The following MME variants were observed in gnomAD, a reference collection of about 807,000 sequenced individuals.
The protein encoded by MME is neprilysin.
MME carries 98 observed loss-of-function variants against 113.2 expected under a neutral mutation model. That is an observed-to-expected ratio of 0.87 (90% CI 0.74 to 1.02). The LOEUF is 1.02. MME is among the 50% of genes least tolerant of loss of function. The pLI is 0.00. For synonymous variants in MME, 292 were observed against 300.6 expected (o/e 0.97, Z 0.30); for missense variants, 836 against 896.0 (o/e 0.93, Z 0.86).
At position 155,109,709 on chromosome 3, in the gene MME, A is replaced by G. The variant is rs138829833; in HGVS notation, c.197-5285A>G. 5.9e-3 allele frequency among the ~76,000 whole-genome samples: 898 copies of G among 152,284 alleles called. 8 individuals carry two copies. The highest frequency in any genetic ancestry group is 0.02 in the African/African-American group (851 of 41,550). On this transcript the variant is annotated intron_variant, in intron 3 of 22. Coordinates refer to ENST00000360490, the MANE Select transcript of MME (RefSeq NM_007289.4). ...TAAAAAAATGTCTGGACCCCCTCCA[A>G]AGATTCTGACTGAATTGATCAGGAG...
chr3:155,104,699 C>T (rs1359911932), intron 3 of MME, among the ~76,000 whole-genome samples: 3 of 152,150 alleles, frequency 2.0e-5, no homozygotes, highest in Non-Finnish European at 2.9e-5. Flanking sequence ...GAGATGTCTG[C>T]CAGGGTCCAG....
chr3:155,105,183 C>A (rs1215875711), intron 3 of MME, among the ~76,000 whole-genome samples: 2 of 152,210 alleles, frequency 1.3e-5, no homozygotes, highest in African/African-American at 4.8e-5. Context: ...ATTGTGAATC[C>A]ATTAGACATG....
intron 1 of MME, among the ~76,000 whole-genome samples, chr3:155,063,108 AAT>A (rs1227591174): frequency 1.4e-5 from 2 of 141,866 alleles, no homozygotes; most frequent in Admixed American, 7.4e-5. Context: ...TAATTATATA[AAT>A]ATATGTTATA....
At position 155,072,323 on chromosome 3, in the gene MME, C is replaced by A. The variant is rs373037922; in HGVS notation, c.-10-11835C>A. ...ATTGCTCCACTGCACAAAATTCCAC[C>A]ATGCCAAAAAGAGTAAACACTTTTC... On this transcript the variant is annotated intron_variant, in intron 1 of 22. Transcript: ENST00000492661. 1.3e-3 allele frequency among the ~76,000 whole-genome samples: 196 copies of A among 152,310 alleles called. 4 individuals are homozygous for A. The highest frequency in any genetic ancestry group is 3.9e-3 in the African/African-American group (163 of 41,566).
intron 3 of MME, chr3:155,112,814 CAT>C (rs1342737271): frequency 6.6e-6 from 1 of 152,196 alleles, no homozygotes; most frequent in African/African-American, 2.4e-5. Flanking sequence ...TAAGAAGACT[CAT>C]AGATGATTCA....
chr3:155,147,010 T>G (rs1721566913), intron 14 of MME, 134 bp from the exon 15 acceptor site: 1 of 661,892 alleles, frequency 1.5e-6, no homozygotes, highest in Non-Finnish European at 2.8e-6. Flanking sequence ...CAAAGATCTC[T>G]GTTTAAGTAT....
In MME at chr3:155,066,730, GT is replaced by G. The variant is rs1340753276; in HGVS notation, c.-10-17427del. 2.6e-5 allele frequency among the ~76,000 whole-genome samples: 4 copies of G among 152,090 alleles called. No homozygotes were observed. The East Asian group carries it at 7.7e-4, about 29-fold the overall frequency. On this transcript the variant is annotated intron_variant, in intron 1 of 22. Coordinates refer to the MME transcript ENST00000492661. ...AAAATCTATGTCACTTACTGAAAAA[GT>G]AAGTACAATGAAAAAATTCTAGCTT...
chr3:155,060,018 G>A (rs1443499090), intron 1 of MME, among the ~76,000 whole-genome samples: 1 of 152,184 alleles, frequency 6.6e-6, no homozygotes, highest in Non-Finnish European at 1.5e-5. Context: ...TTACTCTTTT[G>A]AACAGTAACA....
chr3:155,131,575 G>A (rs967811596), intron 8 of MME, among the ~76,000 whole-genome samples: 1 of 152,180 alleles, frequency 6.6e-6, no homozygotes, highest in South Asian at 2.1e-4. Context: ...AAAAGAGCTA[G>A]ATTCAGCCCC....
At chr3:155,029,165 T>G (rs1457203956) in intron 1 of MME, among the ~76,000 whole-genome samples, 1 of 152,186 alleles carries the variant, frequency 6.6e-6, no homozygotes, top group East Asian at 1.9e-4. Flanking sequence ...TTCTTACTAT[T>G]TCTTGTTAAT....
chr3:155,159,718 A>G (rs1324082512), intron 16 of MME, among the ~76,000 whole-genome samples: 2 of 152,070 alleles, frequency 1.3e-5, no homozygotes, highest in East Asian at 3.9e-4. Flanking sequence ...TATTTTATAA[A>G]ATCTCTGGGT....
chr3:155,034,656 A>G, intron 1 of MME, among the ~76,000 whole-genome samples: 1 of 152,174 alleles, frequency 6.6e-6, no homozygotes, highest in East Asian at 1.9e-4. Flanking sequence ...TGGGTGTTTC[A>G]TTTTGAAATA....
intron 3 of MME, among the ~76,000 whole-genome samples, chr3:155,091,292 G>T (rs1716274588): frequency 1.3e-5 from 2 of 152,174 alleles, no homozygotes; most frequent in South Asian, 4.1e-4. Context: ...TCCTTTCCAA[G>T]AAAGGGAATC....
chr3:155,044,038 G>A (rs1377504557), intron 1 of MME, among the ~76,000 whole-genome samples: 1 of 149,724 alleles, frequency 6.7e-6, no homozygotes, highest in Non-Finnish European at 1.5e-5. Flanking sequence ...TAAAAATGTA[G>A]TCATAACAGT....
intron 8 of MME, among the ~76,000 whole-genome samples, chr3:155,130,855 AT>A (rs11300412): frequency 0.29 from 43,743 of 151,598 alleles, 6,519 homozygotes; most frequent in African/African-American, 0.32. Context: ...ATTTAACTTC[AT>A]TTTTTTTTAA....
intron 8 of MME, among the ~76,000 whole-genome samples, chr3:155,119,871 A>C (rs1718975786): frequency 1.3e-5 from 1 of 76,404 alleles, no homozygotes; most frequent in African/African-American, 5.3e-5. Flanking sequence ...GCCGCAATAA[A>C]CATACATGTG....
At chr3:155,092,375 T>C (rs917317516) in intron 3 of MME, among the ~76,000 whole-genome samples, 1 of 152,230 alleles carries the variant, frequency 6.6e-6, no homozygotes, top group Non-Finnish European at 1.5e-5. Context: ...CATACATTAA[T>C]GGTGGGAATG....
intron 22 of MME, among the ~76,000 whole-genome samples, chr3:155,177,053 T>C (rs1489543966): frequency 6.6e-6 from 1 of 152,166 alleles, no homozygotes; most frequent in Non-Finnish European, 1.5e-5. Flanking sequence ...CGTTTCTTTC[T>C]TTTAGGTGTT....
At chr3:155,049,273 C>G (rs1193147987) in intron 1 of MME, among the ~76,000 whole-genome samples, 1 of 151,922 alleles carries the variant, frequency 6.6e-6, no homozygotes. Flanking sequence ...AGGATGCACC[C>G]CATGTCCCAA....
Sources: allele counts gnomAD v4.1 joint callset (sites outside exome capture counted in the v4.1 genomes callset), GRCh38; gene constraint gnomAD v4.1.1; transcripts MANE v1.5; gene names NCBI Gene and HGNC (gene_info 2026-07-23, HGNC 2026-07-21).